Variants in RAB11FIP1 observed in about 807,000 individuals in gnomAD.
RAB11FIP1 encodes RAB11 family interacting protein 1, also known as rab11 family-interacting protein 1.
RAB11FIP1 carries 49 observed loss-of-function variants against 83.1 expected under a neutral mutation model. That is an observed-to-expected ratio of 0.59 (90% confidence interval 0.47 to 0.75). The LOEUF (loss-of-function observed/expected upper bound fraction) is 0.75, where lower values mean the gene tolerates loss of function less well. Among genes scored for constraint, RAB11FIP1 ranks in the 30% least tolerant of loss-of-function variants. The pLI is 0.00. For synonymous variants in RAB11FIP1, 670 were observed against 656.0 expected (o/e 1.02, Z -0.33); for missense variants, 1,536 against 1,598.7 (o/e 0.96, Z 0.67).
chr8:37,888,328 A>C (rs1262155069), intron 1 of RAB11FIP1, among the ~76,000 whole-genome samples: 1 of 152,132 alleles, frequency 6.6e-6, no homozygotes, highest in Non-Finnish European at 1.5e-5. Flanking sequence ...GTTGGTCTCA[A>C]ACTCCTAACC....
rs573002230 is a variant in RAB11FIP1 at position 37,883,499 on chromosome 8, T to C, written c.372-5948A>G. On this transcript the variant is annotated intron_variant, in intron 1 of 5. Transcript: ENST00000330843. ...ATTGTTTCTTTTACTAGCAATATTA[T>C]CCTCAAATTCAAAAACAGTTTAAGC... Among the ~76,000 whole-genome samples the C allele has an allele frequency of 2.0e-5, 3 of 152,322 alleles. No homozygotes were observed. The East Asian group carries it at 5.8e-4, about 29-fold the overall frequency.
At chr8:37,881,516 C>T (rs1806733700) in intron 1 of RAB11FIP1, among the ~76,000 whole-genome samples, 1 of 152,014 alleles carries the variant, frequency 6.6e-6, no homozygotes, top group African/African-American at 2.4e-5. Context: ...TACTTAAAGG[C>T]CAGTATACAA....
chr8:37,882,033 C>T (rs982925835), intron 1 of RAB11FIP1, among the ~76,000 whole-genome samples: 4 of 152,162 alleles, frequency 2.6e-5, no homozygotes, highest in African/African-American at 7.2e-5. Flanking sequence ...AGTTGCTGAA[C>T]GCTAACTGAG....
At position 37,882,649 on chromosome 8, in the gene RAB11FIP1, A is replaced by C. The variant is rs6993564; in HGVS notation, c.372-5098T>G. On this transcript the variant is annotated intron_variant, in intron 1 of 5. Coordinates refer to ENST00000330843, the MANE Select transcript of RAB11FIP1 (RefSeq NM_001002814.3). ...TTGCTTTCTTAATAAACTTGCTTTT[A>C]CTTTGCACTGCAGACTTGCCCTGAA... Among the ~76,000 whole-genome samples the C allele has an allele frequency of 5.6e-3, 854 of 152,266 alleles. 3 individuals carry two copies. Among genetic ancestry groups the C allele is most frequent in the African/African-American group, 0.02 (822 of 41,550 alleles).
At chr8:37,883,024 C>A (rs1806758095) in intron 1 of RAB11FIP1, among the ~76,000 whole-genome samples, 2 of 152,180 alleles carry the variant, frequency 1.3e-5, no homozygotes, top group Admixed American at 1.3e-4. Flanking sequence ...AGCCAGGCAC[C>A]AGCCACGGGG....
In RAB11FIP1 at chr8:37,872,254, C is replaced by T; in HGVS notation, c.2548G>A (p.Asp850Asn). The T allele has an allele frequency of 1.2e-6, 2 of 1,613,976 alleles. No individual in the cohort carries two copies. Among genetic ancestry groups the T allele is most frequent in the Admixed American group, 1.7e-5 (1 of 60,008 alleles). The change falls in exon 4 of 6, where the codon GAC (aspartate) becomes AAC (asparagine). Residue 850 changes from aspartate to asparagine, a missense_variant. Transcript: ENST00000330843. ...PAWSVAGNAS[D>N]GEPPESPHAE... ...TGGGGAGACTCAGGAGGCTCTCCGT[C>T]AGACGCGTTTCCAGCAACAGACCAT...
chr8:37,880,247 C>T (rs1806706415), intron 1 of RAB11FIP1, among the ~76,000 whole-genome samples: 1 of 151,930 alleles, frequency 6.6e-6, no homozygotes, highest in African/African-American at 2.4e-5. Context: ...TGGTTGGATC[C>T]AGGAGTTTGA....
intron 1 of RAB11FIP1, among the ~76,000 whole-genome samples, chr8:37,880,288 T>C (rs1449472561): frequency 6.6e-6 from 1 of 151,858 alleles, no homozygotes; most frequent in Non-Finnish European, 1.5e-5. Context: ...CAAGATCCCA[T>C]TCTCCAAAAA....
chr8:37,874,569 G>A lies in RAB11FIP1; in HGVS notation c.1568C>T (p.Pro523Leu), dbSNP rs780228490. Residue 523 changes from proline (P) to leucine (L), a missense_variant, in exon 3 of 6, where the codon CCG (proline) becomes CTG (leucine). Coordinates refer to ENST00000330843, the MANE Select transcript of RAB11FIP1 (RefSeq NM_001002814.3). ...CCTCGGAGAGGAAATTGGAGGTCTC[G>A]GTTCAGACTTGGACTCTGGCTCAGC... ...PEAEPESKSE[P>L]RPPISSPRAP... The A allele has an allele frequency of 1.5e-5, 25 of 1,614,054 alleles. No homozygotes were observed. Among genetic ancestry groups the A allele is most frequent in the East Asian group, 4.5e-5 (2 of 44,896 alleles).
At position 37,871,594 on chromosome 8, in the gene RAB11FIP1, T is replaced by A; in HGVS notation, c.3208A>T (p.Ser1070Cys). The A allele has an allele frequency of 6.2e-7, 1 of 1,602,294 alleles. No homozygotes were observed. The highest frequency in any genetic ancestry group is 1.1e-5 in the South Asian group (1 of 89,958). ...SSLDKQLPGP[S>C]GGEEEKPMGN... ...ATCGGTTTTTCTTCCTCACCACCAC[T>A]GGGGCCTGGCAGCTGTTTATCCAAG... The change falls in exon 4 of 6, where the codon AGT (serine) becomes TGT (cysteine). Residue 1070 changes from serine (S) to cysteine (C), a missense_variant. Coordinates refer to ENST00000330843, the MANE Select transcript of RAB11FIP1 (RefSeq NM_001002814.3).
At chr8:37,887,342 C>T (rs1481323650) in intron 1 of RAB11FIP1, among the ~76,000 whole-genome samples, 1 of 151,974 alleles carries the variant, frequency 6.6e-6, no homozygotes, top group Non-Finnish European at 1.5e-5. Flanking sequence ...ACCAGCCTGG[C>T]CAACATGGTG....
At chr8:37,885,052 T>C (rs927193357) in intron 1 of RAB11FIP1, among the ~76,000 whole-genome samples, 1 of 151,228 alleles carries the variant, frequency 6.6e-6, no homozygotes, top group African/African-American at 2.4e-5. Flanking sequence ...TGGAGTGCAG[T>C]GGCGTGATCT....
intron 1 of RAB11FIP1, among the ~76,000 whole-genome samples, chr8:37,894,723 C>CATATATATATATACATATATATATACAT (rs1807025998): frequency 4.2e-5 from 6 of 142,038 alleles, no homozygotes; most frequent in African/African-American, 1.6e-4. Context: ...TATATATATA[C>CATATATATATATACATATATATATACAT]ATATATATAT....
At position 37,877,441 on chromosome 8, in the gene RAB11FIP1, GAAAGGTCAA is replaced by G; in HGVS notation, c.473_481del (p.Phe158_Leu160del). Reference sequence around the variant, plus strand: ...TGGATTCCGAGACTTGTCTTTCATAGAAAGGTCAAACATGCTGGCAGTCATGTTGTTTCT... The same window carrying G: ...TGGATTCCGAGACTTGTCTTTCATAGACATGCTGGCAGTCATGTTGTTTCT... On this transcript the variant is annotated inframe_deletion, in exon 2 of 6. Transcript: ENST00000330843. 6.2e-7 allele frequency: 1 copy of G among 1,614,020 alleles called. No individual in the cohort carries two copies. The highest frequency in any genetic ancestry group is 8.5e-7 in the Non-Finnish European group (1 of 1,179,972).
chr8:37,899,352 C>A lies in RAB11FIP1; in HGVS notation c.90G>T (p.Leu30=). ...TCGTGCCCCCGGGGCCCTTGGCCCGCAGGCCCCGCGCCTGCAGCACCGTCA... is the reference window on the plus strand; with the variant it reads ...TCGTGCCCCCGGGGCCCTTGGCCCGAAGGCCCCGCGCCTGCAGCACCGTCA... ...VQVTVLQARG[L]RAKGPGGTSD... Residue 30 remains leucine (L), a synonymous_variant, in exon 1 of 6, where the codon CTG becomes CTT. Transcript: ENST00000330843. This position sits in a 1 kb window ranked among gnomAD's most constrained non-coding sequence, Gnocchi z 4.5. 6.2e-7 allele frequency: 1 copy of A among 1,607,098 alleles called. No homozygotes were observed. Among genetic ancestry groups the A allele is most frequent in the Admixed American group, 1.7e-5 (1 of 59,752 alleles).
At position 37,874,731 on chromosome 8, in the gene RAB11FIP1, C is replaced by G. The variant is rs774809788; in HGVS notation, c.1406G>C (p.Gly469Ala). 2 of 1,614,162 alleles carry G rather than the reference C, an allele frequency of 1.2e-6. No individual in the cohort carries two copies. The highest frequency in any genetic ancestry group is 3.3e-5 in the Admixed American group (2 of 60,022). The change falls in exon 3 of 6, where the codon GGG (glycine) becomes GCG (alanine). Residue 469 changes from glycine to alanine, a missense_variant. Coordinates refer to ENST00000330843, the MANE Select transcript of RAB11FIP1 (RefSeq NM_001002814.3). ...CGATGCGTCCTCCCCCGGCTTAACC[C>G]CCATCAGCATGCCTTCCTTCTCCCT... ...PGREKEGMLM[G>A]VKPGEDASGP...
In RAB11FIP1 at chr8:37,873,089, A is replaced by T; in HGVS notation, c.1713T>A (p.Ser571=). ...PSSLPPLPSS[S]GQASVPSELG... ...ATTCAGAGGGGACAGATGCCTGGCC[A>T]GAGCTAGAAGGAAGAGGAGGAAGAG... The change falls in exon 4 of 6, where the codon TCT becomes TCA. Residue 571 remains serine (S), a synonymous_variant. Coordinates refer to ENST00000330843, the MANE Select transcript of RAB11FIP1 (RefSeq NM_001002814.3). 1.9e-6 allele frequency: 3 copies of T among 1,614,096 alleles called. No individual in the cohort carries two copies. Among genetic ancestry groups the T allele is most frequent in the Non-Finnish European group, 2.5e-6 (3 of 1,180,016 alleles).
At chr8:37,896,105 T>A (rs916307760) in intron 1 of RAB11FIP1, among the ~76,000 whole-genome samples, 33 of 151,784 alleles carry the variant, frequency 2.2e-4, no homozygotes, top group African/African-American at 7.8e-4. Context: ...AGGTCAGGAG[T>A]TCGAGACCAG....
chr8:37,879,873 ACT>A (rs1806699536), intron 1 of RAB11FIP1, among the ~76,000 whole-genome samples: 1 of 152,040 alleles, frequency 6.6e-6, no homozygotes, highest in Non-Finnish European at 1.5e-5. Flanking sequence ...ACAGAGTGAG[ACT>A]CTGTCTCAAA....
Sources: gnomAD v4.1 joint callset for allele counts (sites outside exome capture counted in the v4.1 genomes callset) on GRCh38, gnomAD v4.1.1 for gene constraint, Gnocchi (gnomAD v3.1) non-coding constraint, MANE v1.5 for transcripts, NCBI Gene and HGNC (gene_info 2026-07-23, HGNC 2026-07-21) for gene names.